Variants in SOD2 observed in about 807,000 individuals in gnomAD.
SOD2 encodes superoxide dismutase 2.
In SOD2, 11 loss-of-function variants were observed where a neutral mutation model predicts 27.0. That is an observed-to-expected ratio of 0.41 (90% CI 0.26 to 0.67). The LOEUF is 0.67. Among genes scored for constraint, SOD2 ranks in the 30% least tolerant of loss-of-function variants. SOD2 has a pLI of 0.34. For synonymous variants in SOD2, 105 were observed against 103.0 expected, an observed-to-expected ratio of 1.02 and a Z score of -0.12; for missense variants, 250 against 274.5, an observed-to-expected ratio of 0.91 and a Z score of 0.63.
exon 1 of SOD2, chr6:159,762,062 G>T (rs755707990): frequency 6.2e-7 from 1 of 1,611,972 alleles, no homozygotes; most frequent in South Asian, 1.1e-5. Flanking sequence ...AGGCAGCGCA[G>T]GGCAGACGGC....
chr6:159,730,060 T>C (rs1227854200), upstream of SOD2, among the ~76,000 whole-genome samples: 1 of 152,212 alleles, frequency 6.6e-6, no homozygotes, highest in Non-Finnish European at 1.5e-5. Context: ...GAAACTTTTA[T>C]GTAATTTTAA....
chr6:159,685,857 C>T lies in SOD2; in HGVS notation c.344-824G>A, dbSNP rs150751653. ...GCGTAGTTCACATTTTTTAATGAAT[C>T]GTGTTAGAGGGATTTCCCCACTCAC... On this transcript the variant is annotated intron_variant, in intron 3 of 4. Coordinates refer to ENST00000538183, the MANE Select transcript of SOD2 (RefSeq NM_000636.4). Among the ~76,000 whole-genome samples the T allele has an allele frequency of 2.2e-3, 340 of 152,242 alleles. 1 individual carries two copies. The highest frequency in any genetic ancestry group is 8.0e-3 in the African/African-American group (331 of 41,544).
chr6:159,683,806 T>G (rs3798215), intron 4 of SOD2, among the ~76,000 whole-genome samples: 1 of 151,980 alleles, frequency 6.6e-6, no homozygotes, highest in African/African-American at 2.4e-5. Context: ...CAAATTGTTA[T>G]GCCATGTCAC....
At chr6:159,761,649 T>G (rs780615984) in exon 1 of SOD2, 20 of 446,852 alleles carry the variant, frequency 4.5e-5, no homozygotes, top group African/African-American at 1.8e-4. Flanking sequence ...GAACGAGAGA[T>G]AAGTCTTTGT....
chr6:159,675,500 G>T lies in SOD2; in HGVS notation c.*6993C>A, dbSNP rs1779758374. 1 of 152,152 alleles carries T rather than the reference G, an allele frequency of 6.6e-6. No homozygotes were observed. The highest frequency in any genetic ancestry group is 1.5e-5 in the Non-Finnish European group (1 of 68,032). 9.4% of individuals were successfully genotyped at this position (152,152 alleles called of 1,614,324 possible). On this transcript the variant is annotated 3_prime_UTR_variant, in exon 5 of 5. Transcript: ENST00000538183. ...CTGACAAAAACAAGAAATGGGGAAAGGATTCCCTATTTAATAAATGGTGCT... is the reference window on the plus strand; with the variant it reads ...CTGACAAAAACAAGAAATGGGGAAATGATTCCCTATTTAATAAATGGTGCT...
rs1432117980 is a variant in SOD2 at position 159,726,882 on chromosome 6, C to T, written c.-116+247G>A. Reference sequence around the variant, plus strand: ...AGCTTCTGCTAAGAGTAAACGCCCGCGGCTCGCCGCCCACGGCCTCTCTCT... The same window carrying T: ...AGCTTCTGCTAAGAGTAAACGCCCGTGGCTCGCCGCCCACGGCCTCTCTCT... On this transcript the variant is annotated intron_variant, in intron 1 of 2. Coordinates refer to the SOD2 transcript ENST00000401980. 3.1e-6 allele frequency: 4 copies of T among 1,289,218 alleles called. No homozygotes were observed. In the Admixed American group the frequency reaches 9.2e-5, roughly 30 times the overall value. The allele number at this position is 1,289,218 out of a possible 1,614,324, so 79.9% of individuals were successfully genotyped here.
exon 1 of SOD2, chr6:159,762,181 C>T: frequency 6.3e-7 from 1 of 1,594,438 alleles, no homozygotes; most frequent in East Asian, 2.3e-5. Context: ...TCCGAGGCGC[C>T]TGCTGCTTCG....
intron 1 of SOD2, among the ~76,000 whole-genome samples, chr6:159,711,712 T>C (rs1347489030): frequency 9.2e-6 from 1 of 109,036 alleles, no homozygotes; most frequent in African/African-American, 3.5e-5. Context: ...CACACTGCTC[T>C]GATCACCATA....
intron 1 of SOD2, among the ~76,000 whole-genome samples, chr6:159,742,858 C>T (rs1001340026): frequency 1.3e-5 from 2 of 151,646 alleles, no homozygotes; most frequent in Non-Finnish European, 2.9e-5. Flanking sequence ...GAGTTTGAGA[C>T]CAGCATAGGC....
At chr6:159,728,186 G>A (rs888180718), upstream of SOD2, among the ~76,000 whole-genome samples, 1 of 152,364 alleles carries the variant, frequency 6.6e-6, no homozygotes, top group Non-Finnish European at 1.5e-5. Context: ...ATGAGTATAA[G>A]CATTCTGAGG....
intron 1 of SOD2, 85 bp downstream of exon 1, chr6:159,693,060 G>T: frequency 1.3e-6 from 2 of 1,497,628 alleles, no homozygotes; most frequent in Non-Finnish European, 8.9e-7. Context: ...GCCCGGTGCG[G>T]CCACTGTCGC....
intron 1 of SOD2, among the ~76,000 whole-genome samples, chr6:159,722,377 C>CT (rs1778059332): frequency 6.6e-6 from 1 of 152,180 alleles, no homozygotes; most frequent in East Asian, 1.9e-4. Context: ...GAGCAAGACT[C>CT]TGTCTTAAAA....
chr6:159,688,111 C>T lies in SOD2; in HGVS notation c.343+15G>A. ...TGCACAAAATGTAGATAAGGGTGCA[C>T]CAATATATACCAACCTTTGGGTTCT... On this transcript the variant is annotated intron_variant, in intron 3 of 4. Coordinates refer to ENST00000538183, the MANE Select transcript of SOD2 (RefSeq NM_000636.4). The T allele has an allele frequency of 2.2e-6, 3 of 1,374,598 alleles. No homozygotes were observed. The highest frequency in any genetic ancestry group is 3.1e-6 in the Non-Finnish European group (3 of 961,578). The allele number at this position is 1,374,598 out of a possible 1,614,324, so 85.2% of individuals were successfully genotyped here.
intron 1 of SOD2, among the ~76,000 whole-genome samples, chr6:159,718,180 T>TG (rs1777959760): frequency 6.6e-6 from 1 of 151,790 alleles, no homozygotes; most frequent in Non-Finnish European, 1.5e-5. Context: ...TTTGTAGAGG[T>TG]GGGGTCTCAC....
intron 1 of SOD2, chr6:159,743,764 C>G (rs150215853): frequency 2.0e-4 from 318 of 1,612,462 alleles, no homozygotes; most frequent in Non-Finnish European, 2.6e-4. Context: ...CGACTAGCAA[C>G]CAAGGAACAA....
upstream of SOD2, among the ~76,000 whole-genome samples, chr6:159,697,573 CA>C: frequency 6.6e-6 from 1 of 152,286 alleles, no homozygotes; most frequent in East Asian, 1.9e-4. Context: ...TGGTTCAGAA[CA>C]AAAGTGTTCT....
intron 1 of SOD2, among the ~76,000 whole-genome samples, chr6:159,724,684 T>C (rs762708725): frequency 4.0e-5 from 6 of 151,708 alleles, no homozygotes; most frequent in Non-Finnish European, 8.8e-5. Flanking sequence ...CACAGCTCTC[T>C]ACTGAAAATA....
At chr6:159,745,723 G>A (rs1779536260), upstream of SOD2, among the ~76,000 whole-genome samples, 1 of 152,136 alleles carries the variant, frequency 6.6e-6, no homozygotes, top group Non-Finnish European at 1.5e-5. Context: ...TTACATTTTA[G>A]GTAGATCACT....
In SOD2 at chr6:159,670,339, T is replaced by A. The variant is rs1371891050; in HGVS notation, c.*12154A>T. 1 of 152,180 alleles carries A rather than the reference T, an allele frequency of 6.6e-6. No homozygotes were observed. The highest frequency in any genetic ancestry group is 2.4e-5 in the African/African-American group (1 of 41,438). 9.4% of individuals were successfully genotyped at this position (152,180 alleles called of 1,614,324 possible). On this transcript the variant is annotated 3_prime_UTR_variant, in exon 5 of 5. Coordinates refer to ENST00000538183, the MANE Select transcript of SOD2 (RefSeq NM_000636.4). Reference sequence around the variant, plus strand: ...GTGAAGACTTACTTGTGTCATTTTTTAAATTGTTTTCTGGTAAAAATGCTA... The same window carrying A: ...GTGAAGACTTACTTGTGTCATTTTTAAAATTGTTTTCTGGTAAAAATGCTA...
Sources: gnomAD v4.1 joint callset for allele counts (sites outside exome capture counted in the v4.1 genomes callset) on GRCh38, gnomAD v4.1.1 for gene constraint, MANE v1.5 for transcripts, NCBI Gene and HGNC (gene_info 2026-07-23, HGNC 2026-07-21) for gene names.